Variants in HCRTR2 observed in about 807,000 individuals in gnomAD.
HCRTR2 encodes the protein hypocretin receptor 2.
In HCRTR2, 22 loss-of-function variants were observed where a neutral mutation model predicts 49.0. The ratio of observed to expected loss-of-function variants is 0.45; its 90% CI spans 0.32 to 0.64. The LOEUF is 0.64. Among genes scored for constraint, HCRTR2 ranks in the 30% least tolerant of loss-of-function variants. HCRTR2 has a pLI of 0.04. For missense variants in HCRTR2, 491 were observed against 559.4 expected (o/e 0.88, Z 1.23); for synonymous variants, 236 against 205.3 (o/e 1.15, Z -1.28).
chr6:55,242,844 G>A (rs1766361417), intron 1 of HCRTR2, among the ~76,000 whole-genome samples: 2 of 152,270 alleles, frequency 1.3e-5, no homozygotes, highest in South Asian at 4.1e-4. Context: ...TGAAATAATG[G>A]CAAAGGCCAT....
intron 1 of HCRTR2, among the ~76,000 whole-genome samples, chr6:55,244,652 G>T (rs1438535375): frequency 6.6e-6 from 1 of 151,988 alleles, no homozygotes; most frequent in Non-Finnish European, 1.5e-5. Context: ...ACCTTGCACG[G>T]GTGAGTGGGT....
chr6:55,158,527 A>T (rs770552555), intron 1 of HCRTR2, among the ~76,000 whole-genome samples: 1 of 152,142 alleles, frequency 6.6e-6, no homozygotes, highest in African/African-American at 2.4e-5. Flanking sequence ...TCCCACTCCC[A>T]TGGAGGCCAG....
downstream of HCRTR2, among the ~76,000 whole-genome samples, chr6:55,283,044 G>A (rs1767227722): frequency 6.6e-6 from 1 of 152,078 alleles, no homozygotes; most frequent in South Asian, 2.1e-4. Context: ...TTTGCAAATT[G>A]ACCATTGCTA....
At chr6:55,192,421 A>G (rs1370919729) in intron 1 of HCRTR2, among the ~76,000 whole-genome samples, 3 of 150,678 alleles carry the variant, frequency 2.0e-5, no homozygotes, top group Admixed American at 6.6e-5. Context: ...GCGCACACAC[A>G]CACACACACA....
At chr6:55,196,797 T>A (rs1765424998) in intron 1 of HCRTR2, among the ~76,000 whole-genome samples, 1 of 152,136 alleles carries the variant, frequency 6.6e-6, no homozygotes, top group South Asian at 2.1e-4. Context: ...TTGACATAGT[T>A]TACACTTCTG....
chr6:55,237,186 C>A (rs1766230437), intron 1 of HCRTR2, among the ~76,000 whole-genome samples: 1 of 151,908 alleles, frequency 6.6e-6, no homozygotes, highest in Non-Finnish European at 1.5e-5. Context: ...TATCTACTTT[C>A]TTGACATTAT....
chr6:55,233,751 G>A (rs567112573), intron 1 of HCRTR2, among the ~76,000 whole-genome samples: 36 of 152,104 alleles, frequency 2.4e-4, no homozygotes, highest in African/African-American at 7.2e-4. Context: ...AGTAATATTT[G>A]GGGAATATGC....
intron 1 of HCRTR2, among the ~76,000 whole-genome samples, chr6:55,206,511 T>A (rs1163467726): frequency 6.6e-6 from 1 of 151,700 alleles, no homozygotes. Context: ...GGAAGCTATG[T>A]GAGACTATAA....
chr6:55,215,748 A>T (rs903005449), intron 1 of HCRTR2, among the ~76,000 whole-genome samples: 1 of 152,242 alleles, frequency 6.6e-6, no homozygotes, highest in Admixed American at 6.5e-5. Context: ...TCACCTTAAA[A>T]TAGATTGTTA....
intron 1 of HCRTR2, among the ~76,000 whole-genome samples, chr6:55,179,602 T>G (rs565989464): frequency 6.6e-6 from 1 of 152,286 alleles, no homozygotes; most frequent in African/African-American, 2.4e-5. Context: ...CAACTGATAA[T>G]TTAAATGCAA....
intron 1 of HCRTR2, among the ~76,000 whole-genome samples, chr6:55,194,042 G>T (rs187856967): frequency 6.6e-6 from 1 of 151,902 alleles, no homozygotes; most frequent in African/African-American, 2.4e-5. Context: ...TCATTTGTCT[G>T]AATTCCCATT....
At chr6:55,239,375 A>G (rs995018230) in intron 1 of HCRTR2, among the ~76,000 whole-genome samples, 1 of 152,090 alleles carries the variant, frequency 6.6e-6, no homozygotes, top group Admixed American at 6.5e-5. Flanking sequence ...AGTCAAGCCT[A>G]TTTTCCCACT....
At chr6:55,254,819 G>A (rs1468062865) in intron 2 of HCRTR2, among the ~76,000 whole-genome samples, 4 of 149,402 alleles carry the variant, frequency 2.7e-5, no homozygotes, top group Non-Finnish European at 4.4e-5. Flanking sequence ...AAAAATTACA[G>A]GACAAAATAA....
chr6:55,189,842 G>T (rs151030147), intron 1 of HCRTR2, among the ~76,000 whole-genome samples: 1 of 152,022 alleles, frequency 6.6e-6, no homozygotes, highest in Non-Finnish European at 1.5e-5. Context: ...TGTCTTATTC[G>T]TTTTTTTCTT....
At chr6:55,106,640 T>G (rs1176376875) in intron 1 of HCRTR2, 1 of 152,106 alleles carries the variant, frequency 6.6e-6, no homozygotes, top group Admixed American at 6.6e-5. Context: ...TTAGAAATCG[T>G]CCTAAGGAAT....
intron 1 of HCRTR2, among the ~76,000 whole-genome samples, chr6:55,236,917 C>T (rs1429186829): frequency 2.0e-5 from 3 of 152,090 alleles, no homozygotes; most frequent in Non-Finnish European, 2.9e-5. Context: ...TCTCATGCTA[C>T]TTCTATACAC....
chr6:55,179,665 A>C (rs534998477), intron 1 of HCRTR2, among the ~76,000 whole-genome samples: 2 of 152,320 alleles, frequency 1.3e-5, no homozygotes, highest in East Asian at 3.9e-4. Flanking sequence ...ATAATTAAAA[A>C]ATACCAGTTT....
intron 1 of HCRTR2, among the ~76,000 whole-genome samples, chr6:55,240,530 G>C (rs1164916948): frequency 1.3e-5 from 2 of 152,118 alleles, no homozygotes; most frequent in Non-Finnish European, 2.9e-5. Flanking sequence ...GGAGATTTAG[G>C]GACAACTTTG....
At chr6:55,133,702 T>A (rs1307291844) in intron 1 of HCRTR2, among the ~76,000 whole-genome samples, 2 of 138,752 alleles carry the variant, frequency 1.4e-5, no homozygotes, top group South Asian at 4.2e-4. Context: ...TCTATCTATC[T>A]ATATCTCCAT....
Sources: gnomAD v4.1 joint callset for allele counts (sites outside exome capture counted in the v4.1 genomes callset) on GRCh38, gnomAD v4.1.1 for gene constraint, MANE v1.5 for transcripts, NCBI Gene and HGNC (gene_info 2026-07-23, HGNC 2026-07-21) for gene names.